The following PAXIP1 variants were observed in gnomAD, a reference collection of about 807,000 sequenced individuals.
PAXIP1 encodes the protein PAX interacting protein 1, also known as PAX-interacting protein 1.
In PAXIP1, 19 loss-of-function variants were observed where a neutral mutation model predicts 140.6. The observed-to-expected ratio is 0.14, with a 90% confidence interval of 0.09 to 0.20. The LOEUF (loss-of-function observed/expected upper bound fraction) is 0.20, where lower values mean the gene tolerates loss of function less well. Ranked by LOEUF, PAXIP1 falls within the 10% of genes least tolerant of loss-of-function variation. The pLI is 1.00. For missense variants in PAXIP1, 920 were observed against 1,208.6 expected, an observed-to-expected ratio of 0.76 and a Z score of 3.54; for synonymous variants, 442 against 444.6, an observed-to-expected ratio of 0.99 and a Z score of 0.07.
chr7:154,957,696 G>A (rs569517102), intron 13 of PAXIP1, among the ~76,000 whole-genome samples: 4 of 152,190 alleles, frequency 2.6e-5, no homozygotes, highest in South Asian at 2.1e-4. Context: ...GGCCGGGCGC[G>A]GTGGCTCACG....
At chr7:154,961,748 AT>A (rs1808763851) in intron 10 of PAXIP1, 100 bp from the exon 11 acceptor site, 1 of 1,046,020 alleles carries the variant, frequency 9.6e-7, no homozygotes, top group African/African-American at 1.6e-5. Flanking sequence ...TTTTTTCACT[AT>A]TTCTTTGGCA....
chr7:154,962,176 G>A, intron 10 of PAXIP1, 145 bp downstream of exon 10: 1 of 720,820 alleles, frequency 1.4e-6, no homozygotes, highest in Non-Finnish European at 2.3e-6. Flanking sequence ...TTTCTTATGA[G>A]CAGGCACTTA....
intron 3 of PAXIP1, 140 bp from the exon 4 acceptor site, chr7:154,991,209 G>C: frequency 2.0e-6 from 1 of 501,708 alleles, no homozygotes; most frequent in Non-Finnish European, 3.5e-6. Context: ...GAAGAGTACA[G>C]GGCAGAGTGG....
At chr7:154,996,585 C>G (rs1810626673) in intron 2 of PAXIP1, among the ~76,000 whole-genome samples, 1 of 152,172 alleles carries the variant, frequency 6.6e-6, no homozygotes. Context: ...TCTGAAATGT[C>G]ACCTCACAGC....
intron 5 of PAXIP1, among the ~76,000 whole-genome samples, chr7:154,979,216 C>A (rs921512786): frequency 3.9e-5 from 6 of 152,148 alleles, no homozygotes; most frequent in African/African-American, 1.4e-4. Context: ...CAACCATGTC[C>A]CCTCTCCCCA....
At chr7:154,951,986 G>A (rs1337627644) in intron 16 of PAXIP1, 5 of 152,138 alleles carry the variant, frequency 3.3e-5, no homozygotes, top group Non-Finnish European at 5.9e-5. Flanking sequence ...AGCTAAAAAA[G>A]TACACTTACT....
chr7:154,996,197 C>T (rs1376924375), intron 2 of PAXIP1, among the ~76,000 whole-genome samples: 1 of 152,146 alleles, frequency 6.6e-6, no homozygotes, highest in Admixed American at 6.5e-5. Flanking sequence ...CTAAGAATAT[C>T]AGGATCTACT....
chr7:154,969,212 CTATT>C (rs1809182815), intron 6 of PAXIP1, 86 bp from the exon 7 acceptor site: 1 of 1,352,506 alleles, frequency 7.4e-7, no homozygotes, highest in Admixed American at 3.2e-5. Context: ...ATGGCATATC[CTATT>C]TATTAACAAT....
intron 5 of PAXIP1, among the ~76,000 whole-genome samples, chr7:154,977,245 A>G (rs1200143585): frequency 6.6e-6 from 1 of 152,258 alleles, no homozygotes; most frequent in Non-Finnish European, 1.5e-5. Flanking sequence ...AATGTTAAAT[A>G]AGAGTAATAT....
chr7:154,975,559 T>C (rs925243822), intron 6 of PAXIP1, 137 bp downstream of exon 6: 2 of 602,676 alleles, frequency 3.3e-6, no homozygotes, highest in Non-Finnish European at 5.8e-6. Flanking sequence ...CACACACAAG[T>C]AAACAGGTTC....
Position 154,985,068 on chromosome 7 carries a change from G to C in PAXIP1, c.325-1736C>G, listed in dbSNP as rs568454287. On this transcript the variant is annotated intron_variant, in intron 4 of 20. Coordinates refer to ENST00000404141, the MANE Select transcript of PAXIP1 (RefSeq NM_007349.4). ...CCAGATTCTTCACTGATGTACGTTT[G>C]GATTAAATGACTTTGAACATCCATA... Among the ~76,000 whole-genome samples, 57 of 152,158 alleles carry C rather than the reference G, an allele frequency of 3.7e-4. No homozygotes were observed. The East Asian group carries it at 0.01, about 27-fold the overall frequency.
At chr7:154,979,044 G>T (rs1809726172) in intron 5 of PAXIP1, among the ~76,000 whole-genome samples, 1 of 152,128 alleles carries the variant, frequency 6.6e-6, no homozygotes, top group Non-Finnish European at 1.5e-5. Context: ...CACAAGATAG[G>T]TAGTTTTTAA....
At chr7:154,944,348 ACACAGGC>A (rs1807827338) in intron 20 of PAXIP1, 184 bp from the exon 21 acceptor site, 1 of 520,570 alleles carries the variant, frequency 1.9e-6, no homozygotes, top group South Asian at 2.5e-5. Flanking sequence ...CAGCCCCGAC[ACACAGGC>A]TCACTCAGCC....
chr7:155,002,371 G>C (rs940747923), intron 1 of PAXIP1, among the ~76,000 whole-genome samples: 2 of 152,102 alleles, frequency 1.3e-5, no homozygotes, highest in African/African-American at 4.8e-5. Flanking sequence ...GCCGGTGCAC[G>C]GCCACGACCC....
rs192754774 is a variant in PAXIP1, at chr7:154,999,667, C to A, written c.82-883G>T. On this transcript the variant is annotated intron_variant, in intron 1 of 20. Transcript: ENST00000404141. The stretch of plus-strand genomic sequence containing the variant: ...GAGTACCACTCACTGAGGAACACAT[C>A]AGAAGGCTGGCAGGTGGGGACACAA... Among the ~76,000 whole-genome samples, 4 of 152,272 alleles carry A rather than the reference C, an allele frequency of 2.6e-5. No individual in the cohort carries two copies. In the East Asian group the frequency reaches 5.8e-4, roughly 22 times the overall value.
intron 1 of PAXIP1, among the ~76,000 whole-genome samples, chr7:154,999,670 A>G (rs1316430273): frequency 6.6e-6 from 1 of 152,214 alleles, no homozygotes; most frequent in African/African-American, 2.4e-5. Context: ...AACACATCAG[A>G]AGGCTGGCAG....
chr7:154,948,866 G>A (rs781372457), intron 16 of PAXIP1: 2 of 151,854 alleles, frequency 1.3e-5, no homozygotes, highest in African/African-American at 4.8e-5. Flanking sequence ...AAACTTTAAA[G>A]ATTTACCAAA....
Position 154,956,757 on chromosome 7 carries a change from G to C in PAXIP1, c.2549+467C>G, listed in dbSNP as rs1808529271. The C allele has an allele frequency of 6.5e-6, 1 of 153,978 alleles. No homozygotes were observed. The highest frequency in any genetic ancestry group is 2.0e-4 in the South Asian group (1 of 4,982). 9.5% of individuals were successfully genotyped at this position (153,978 alleles called of 1,614,324 possible). A position where few individuals can be genotyped will look rare whatever the true frequency, so the allele number is the denominator to read the frequency against. ...TGGCAGATCCAAGGAGCATACCCAA[G>C]ATGACGCCACAGCCTACATGCTCTC... On this transcript the variant is annotated intron_variant, in intron 14 of 20. Transcript: ENST00000404141. This position sits in a 1 kb window ranked among gnomAD's most constrained non-coding sequence, Gnocchi z 4.2.
chr7:154,952,596 T>C (rs1355608583), intron 16 of PAXIP1, among the ~76,000 whole-genome samples: 1 of 152,160 alleles, frequency 6.6e-6, no homozygotes, highest in Non-Finnish European at 1.5e-5. Context: ...GAGTTCAATG[T>C]CAGTGAATTA....
Sources: allele counts gnomAD v4.1 joint callset (sites outside exome capture counted in the v4.1 genomes callset), GRCh38; gene constraint gnomAD v4.1.1; non-coding constraint Gnocchi (gnomAD v3.1); transcripts MANE v1.5; gene names NCBI Gene and HGNC (gene_info 2026-07-23, HGNC 2026-07-21).